COL6A1: variants seen among roughly 807,000 people sequenced by gnomAD.
The protein encoded by COL6A1 is collagen type VI alpha 1 chain, also known as collagen alpha-1(VI) chain.
In COL6A1, 80 loss-of-function variants were observed where a neutral mutation model predicts 145.6. That is an observed-to-expected ratio of 0.55 (90% CI 0.46 to 0.66). The LOEUF (loss-of-function observed/expected upper bound fraction) is 0.66, where lower values mean the gene tolerates loss of function less well. Among genes scored for constraint, COL6A1 ranks in the 30% least tolerant of loss-of-function variants. COL6A1 has a pLI of 0.00. For synonymous variants in COL6A1, 638 were observed against 622.8 expected, an observed-to-expected ratio of 1.02 and a Z score of -0.36; for missense variants, 1,364 against 1,473.8, an observed-to-expected ratio of 0.93 and a Z score of 1.22.
intron 28 of COL6A1, 126 bp downstream of exon 28, chr21:46,000,493 C>G: frequency 8.0e-7 from 1 of 1,255,956 alleles, no homozygotes; most frequent in Non-Finnish European, 1.1e-6. Flanking sequence ...TGAGGAGGCT[C>G]CTCAGCCAGC....
intron 23 of COL6A1, 35 bp downstream of exon 23, chr21:45,998,206 C>T (rs1395279681): frequency 1.2e-6 from 2 of 1,608,240 alleles, no homozygotes; most frequent in Non-Finnish European, 1.7e-6. Flanking sequence ...CAGGAACATG[C>T]CCAAGCTGCC....
At chr21:45,984,885 G>A (rs753160003) in intron 3 of COL6A1, among the ~76,000 whole-genome samples, 1 of 151,398 alleles carries the variant, frequency 6.6e-6, no homozygotes, top group African/African-American at 2.4e-5. Flanking sequence ...GAGGGACAGA[G>A]ACAGGCAGAG....
rs764129993 is a variant in COL6A1 at position 46,001,375 on chromosome 21, G to A, written c.1945G>A (p.Glu649Lys). ...GGTCATCGACCGGCTGAGCCGGGAC[G>A]AGCTGGTCAAGGTGAGGCCTCGCCC... Reference protein sequence around the residue: ...VKVIDRLSRDELVKFEPGQSY... With the variant: ...VKVIDRLSRDKLVKFEPGQSY... The change falls in exon 30 of 35, where the codon GAG becomes AAG. Residue 649 changes from glutamate (E) to lysine (K), a missense_variant. Glu to Lys is a moderately conservative substitution (Grantham distance 56). Around this residue, in one of 3 missense-constraint regions of COL6A1, gnomAD observed 938 missense variants for 1,003.8 expected, o/e 0.93. Transcript: ENST00000361866. 35 of 1,611,454 alleles carry A rather than the reference G, an allele frequency of 2.2e-5. No individual in the cohort carries two copies. The highest frequency in any genetic ancestry group is 3.3e-5 in the Admixed American group (2 of 60,004).
chr21:45,994,193 G>A lies in COL6A1; in HGVS notation c.1362G>A (p.Gln454=), dbSNP rs762392600. ...DPGEAGPQGD[Q]GREGPVGVPG... ...GTGAAGCTGGCCCGCAGGGTGATCA[G>A]GGAAGAGAAGGCCCCGTTGGTGTCC... is the stretch of plus-strand genomic sequence containing the variant. Residue 454 remains glutamine (Q), a synonymous_variant, in exon 20 of 35, where the codon CAG becomes CAA. Coordinates refer to ENST00000361866, the MANE Select transcript of COL6A1 (RefSeq NM_001848.3). This position sits in a 1 kb window ranked among gnomAD's most constrained non-coding sequence, Gnocchi z 6.8. The A allele has an allele frequency of 1.4e-5, 23 of 1,608,286 alleles. No individual in the cohort carries two copies. In the East Asian group the frequency reaches 4.5e-4, roughly 31 times the overall value.
chr21:45,982,165 GC>G, intron 1 of COL6A1, among the ~76,000 whole-genome samples: 1 of 152,206 alleles, frequency 6.6e-6, no homozygotes, highest in East Asian at 1.9e-4. Context: ...TCTCAGCGGG[GC>G]CGGACCGCAG....
rs868198274 is a variant in COL6A1, at chr21:45,986,957, G to C, written c.602G>C (p.Ser201Thr). 6.4e-7 allele frequency: 1 copy of C among 1,551,744 alleles called. No individual in the cohort carries two copies. The highest frequency in any genetic ancestry group is 8.7e-7 in the Non-Finnish European group (1 of 1,150,708). The change falls in exon 5 of 35, where the codon AGC becomes ACC. Residue 201 changes from serine to threonine, a missense_variant. This residue lies in a region of COL6A1 where 414 missense variants were observed against 437.6 expected (regional missense o/e 0.95). Transcript: ENST00000361866. ...CACTGCCCCCAGGAGCCGCGTCTGAGCATCATCGCCACGGACCACACGTAC... is the reference window on the plus strand; with the variant it reads ...CACTGCCCCCAGGAGCCGCGTCTGACCATCATCGCCACGGACCACACGTAC... ...ITPDHLEPRLSIIATDHTYRR... is the reference protein window; with the variant it reads ...ITPDHLEPRLTIIATDHTYRR...
chr21:45,998,937 A>G lies in COL6A1; in HGVS notation c.1652A>G (p.Glu551Gly). 6.4e-7 allele frequency: 1 copy of G among 1,555,778 alleles called. No homozygotes were observed. Residue 551 changes from glutamate to glycine, a missense_variant, in exon 25 of 35, where the codon GAA becomes GGA. Physicochemically the swap from Glu to Gly is moderately conservative, Grantham distance 98. This residue lies in a region of COL6A1 where 938 missense variants were observed against 1,003.8 expected (regional missense o/e 0.93). Coordinates refer to ENST00000361866, the MANE Select transcript of COL6A1 (RefSeq NM_001848.3). Reference protein sequence around the residue: ...GYPGLKGDEGEAGDPGDDNND... With the variant: ...GYPGLKGDEGGAGDPGDDNND... Reference sequence around the variant, plus strand: ...CCCGGCCTCAAGGGGGACGAGGGAGAAGCCGGGGACCCCGGAGACGATGTA... The same window carrying G: ...CCCGGCCTCAAGGGGGACGAGGGAGGAGCCGGGGACCCCGGAGACGATGTA...
At position 45,984,417 on chromosome 21, in the gene COL6A1, G is replaced by A. The variant is rs886043738; in HGVS notation, c.376G>A (p.Gly126Ser). ...GGACGCGGTCAAGTACTTTGGGAAG[G>A]GCACCTACACCGACTGCGCTATCAA... ...SVDAVKYFGK[G>S]TYTDCAIKKG... Residue 126 changes from glycine (G) to serine (S), a missense_variant, in exon 3 of 35, where the codon GGC becomes AGC. Gly to Ser is a moderately conservative substitution (Grantham distance 56). Transcript: ENST00000361866. 1 of 1,612,524 alleles carries A rather than the reference G, an allele frequency of 6.2e-7. No individual in the cohort carries two copies. The highest frequency in any genetic ancestry group is 1.1e-5 in the South Asian group (1 of 91,088).
intron 25 of COL6A1, 31 bp from the exon 26 acceptor site, chr21:45,999,122 G>A (rs1432253647): frequency 9.5e-6 from 15 of 1,571,386 alleles, no homozygotes; most frequent in South Asian, 2.3e-5. Context: ...GGTGGTGCAC[G>A]GTCTGTTGAC....
rs1202683079 is a variant in COL6A1 at position 46,002,304 on chromosome 21, G to T, written c.2153G>T (p.Ser718Ile). Residue 718 changes from serine (S) to isoleucine (I), a missense_variant, in exon 32 of 35, where the codon AGC (serine) becomes ATC (isoleucine). By Grantham distance (142) the Ser-to-Ile change is moderately radical (BLOSUM62 -2). Coordinates refer to ENST00000361866, the MANE Select transcript of COL6A1 (RefSeq NM_001848.3). ...QYTRDQLLPP[S>I]PNNRIALVIT... ...ACGCGGGACCAGCTGCTGCCGCCCA[G>T]CCCGAACAACCGCATCGCCCTGGTC... The T allele has an allele frequency of 6.3e-7, 1 of 1,594,116 alleles. No homozygotes were observed. Among genetic ancestry groups the T allele is most frequent in the African/African-American group, 1.3e-5 (1 of 74,796 alleles).
At chr21:45,989,050 G>A (rs1158643806) in intron 8 of COL6A1, 34 bp from the exon 9 acceptor site, 1 of 1,607,314 alleles carries the variant, frequency 6.2e-7, no homozygotes, top group South Asian at 1.1e-5. Flanking sequence ...AAAGAAACGG[G>A]GCTGCCCCAA....
intron 13 of COL6A1, 74 bp from the exon 14 acceptor site, chr21:45,990,699 C>T (rs2077771657): frequency 7.2e-7 from 1 of 1,383,608 alleles, no homozygotes; most frequent in Non-Finnish European, 1.0e-6. Context: ...ATGGAGGGCA[C>T]CAAGTCTGAC....
rs1483485124 is a variant in COL6A1 at position 45,992,186 on chromosome 21, C to G, written c.1205C>G (p.Pro402Arg). The G allele has an allele frequency of 1.2e-6, 2 of 1,613,764 alleles. No individual in the cohort carries two copies. Among genetic ancestry groups the G allele is most frequent in the Non-Finnish European group, 1.7e-6 (2 of 1,179,998 alleles). The change falls in exon 17 of 35, where the codon CCC becomes CGC. Residue 402 changes from proline to arginine, a missense_variant. Physicochemically the swap from Pro to Arg is moderately radical, Grantham distance 103. Coordinates refer to ENST00000361866, the MANE Select transcript of COL6A1 (RefSeq NM_001848.3). ...CAGGGCCAGCCGGGAGAGCCTGGGC[C>G]CCCCGGAGAGAAAGGAGAGGCGGGC... Reference protein sequence around the residue: ...GDEGQPGEPGPPGEKGEAGDE... With the variant: ...GDEGQPGEPGRPGEKGEAGDE...
Position 45,987,528 on chromosome 21 carries a change from G to A in COL6A1, c.759+9G>A, listed in dbSNP as rs1569517928. 3.7e-6 allele frequency: 6 copies of A among 1,612,838 alleles called. No homozygotes were observed. Among genetic ancestry groups the A allele is most frequent in the South Asian group, 1.1e-5 (1 of 91,076 alleles). On this transcript the variant is annotated intron_variant, in intron 7 of 34. Transcript: ENST00000361866. Reference sequence around the variant, plus strand: ...GCTCCTTCGAATGCCAGGTGAGTGTGCCCCCCGACCCCTGACCCCGCGCCC... The same window carrying A: ...GCTCCTTCGAATGCCAGGTGAGTGTACCCCCCGACCCCTGACCCCGCGCCC...
At chr21:45,989,480 C>T in intron 9 of COL6A1, 128 bp from the exon 10 acceptor site, 1 of 975,640 alleles carries the variant, frequency 1.0e-6, no homozygotes. Context: ...CACCATGGGC[C>T]CCGTGCAGCA....
intron 1 of COL6A1, 111 bp from the exon 2 acceptor site, chr21:45,982,523 G>A (rs2077713906): frequency 7.3e-6 from 11 of 1,511,668 alleles, no homozygotes; most frequent in South Asian, 1.2e-5. Flanking sequence ...GAGCCTCTCC[G>A]GGCCCGGGGC....
chr21:46,000,621 A>AGGAGGCCGGGGAAGGGG, intron 28 of COL6A1, 138 bp from the exon 29 acceptor site: 2 of 1,395,766 alleles, frequency 1.4e-6, no homozygotes, highest in Non-Finnish European at 2.0e-6. Context: ...GAGGCGGGGC[A>AGGAGGCCGGGGAAGGGG]GGAGGCCGGG....
Position 46,004,275 on chromosome 21 carries a change from G to T in COL6A1, c.*262G>T. The T allele has an allele frequency of 1.8e-6, 1 of 554,844 alleles. No homozygotes were observed. Among genetic ancestry groups the T allele is most frequent in the Non-Finnish European group, 3.2e-6 (1 of 311,212 alleles). 34.4% of individuals were successfully genotyped at this position (554,844 alleles called of 1,614,324 possible). Reference sequence around the variant, plus strand: ...TGTCACCTGCACAGGGCCCTCTGAGGCTCAGCCCTGAGCTGGCGTCACCTG... The same window carrying T: ...TGTCACCTGCACAGGGCCCTCTGAGTCTCAGCCCTGAGCTGGCGTCACCTG... On this transcript the variant is annotated 3_prime_UTR_variant, in exon 35 of 35. Coordinates refer to ENST00000361866, the MANE Select transcript of COL6A1 (RefSeq NM_001848.3).
intron 28 of COL6A1, among the ~76,000 whole-genome samples, 178 bp downstream of exon 28, chr21:46,000,545 G>A (rs1013337613): frequency 2.6e-5 from 4 of 152,180 alleles, no homozygotes; most frequent in African/African-American, 7.2e-5. Flanking sequence ...CCGGGTCCCC[G>A]CACAGGCTGA....
Sources: allele counts gnomAD v4.1 joint callset (sites outside exome capture counted in the v4.1 genomes callset), GRCh38; gene constraint gnomAD v4.1.1; regional missense constraint gnomAD v4.1.1; non-coding constraint Gnocchi (gnomAD v3.1); transcripts MANE v1.5; gene names NCBI Gene and HGNC (gene_info 2026-07-23, HGNC 2026-07-21).